The following SYNE3 variants were observed in gnomAD, a reference collection of about 807,000 sequenced individuals.
SYNE3 encodes the protein spectrin repeat containing nuclear envelope family member 3.
In SYNE3, 100 loss-of-function variants were observed where a neutral mutation model predicts 111.2. The observed-to-expected ratio is 0.90, with a 90% CI of 0.77 to 1.06. The LOEUF (loss-of-function observed/expected upper bound fraction) is 1.06. SYNE3 is among the 50% of genes least tolerant of loss of function. The pLI is 0.00. For synonymous variants in SYNE3, 547 were observed against 533.9 expected (o/e 1.02, Z -0.34); for missense variants, 1,160 against 1,240.3 (o/e 0.94, Z 0.97).
intron 17 of SYNE3, among the ~76,000 whole-genome samples, chr14:95,420,860 G>T (rs945379856): frequency 2.0e-5 from 3 of 151,850 alleles, no homozygotes; most frequent in Admixed American, 2.0e-4. Context: ...GGTATGGTTT[G>T]GTTGTGTCCC....
At position 95,415,592 on chromosome 14, in the gene SYNE3, A is replaced by G. The variant is rs1903555803; in HGVS notation, c.*2234T>C. On this transcript the variant is annotated 3_prime_UTR_variant, in exon 18 of 18. Transcript: ENST00000682763. ...AGTTAAACTGAAGCAGCTTGAGGGA[A>G]GGAACTTGATGGAAGGATGGAGAGT... The G allele has an allele frequency of 6.6e-6, 1 of 152,074 alleles. No homozygotes were observed. The allele number at this position is 152,074 out of a possible 1,614,324, so 9.4% of individuals were successfully genotyped here.
At chr14:95,443,083 A>G (rs1886494819) in intron 11 of SYNE3, 72 bp downstream of exon 11, 1 of 1,568,432 alleles carries the variant, frequency 6.4e-7, no homozygotes, top group Non-Finnish European at 8.7e-7. Flanking sequence ...AAGGGGAAGA[A>G]AGGCCCCAGG....
intron 17 of SYNE3, among the ~76,000 whole-genome samples, chr14:95,421,149 T>G (rs1885099654): frequency 6.6e-6 from 1 of 152,304 alleles, no homozygotes; most frequent in Middle Eastern, 3.4e-3. Flanking sequence ...AACCTCTTTT[T>G]CTTTATAAAT....
intron 6 of SYNE3, among the ~76,000 whole-genome samples, chr14:95,454,642 A>C (rs536843035): frequency 6.6e-6 from 1 of 152,364 alleles, no homozygotes; most frequent in African/African-American, 2.4e-5. Flanking sequence ...CTCCCTACTA[A>C]AAATATTTTT....
chr14:95,468,776 T>G (rs1008712772), intron 2 of SYNE3, among the ~76,000 whole-genome samples: 1 of 152,206 alleles, frequency 6.6e-6, no homozygotes, highest in African/African-American at 2.4e-5. Flanking sequence ...TCATCTCATC[T>G]TGGTGTCAGC....
Position 95,449,941 on chromosome 14 carries a change from G to A in SYNE3, c.1439C>T (p.Pro480Leu). 6.4e-7 allele frequency: 1 copy of A among 1,553,928 alleles called. No individual in the cohort carries two copies. The highest frequency in any genetic ancestry group is 8.7e-7 in the Non-Finnish European group (1 of 1,148,414). ...PDLPSLHTFL[P>L]QIEAALMESS... ...CAGGACCACGGTTACCTCGATCTGG[G>A]GCAGGAAGGTGTGAAGGGAAGGCAG... Residue 480 changes from proline (P) to leucine (L), a missense_variant, in exon 8 of 18, where the codon CCC (proline) becomes CTC (leucine). Pro to Leu is a moderately conservative substitution (Grantham distance 98). Coordinates refer to ENST00000682763, the MANE Select transcript of SYNE3 (RefSeq NM_152592.6).
rs561750245 is a variant in SYNE3, at chr14:95,431,958, G to A, written c.2727+121C>T. ...AGCCCAGAGTTGATCCCCCATAAAT[G>A]TTCTTTGGTCTTCCTGGAACCTTCC... On this transcript the variant is annotated intron_variant, in intron 17 of 17. Transcript: ENST00000682763. 2.6e-6 allele frequency: 3 copies of A among 1,158,016 alleles called. No individual in the cohort carries two copies. The African/African-American group carries it at 4.7e-5, about 18-fold the overall frequency. 71.7% of individuals were successfully genotyped at this position (1,158,016 alleles called of 1,614,324 possible).
intron 1 of SYNE3, among the ~76,000 whole-genome samples, chr14:95,487,298 T>C (rs935062082): frequency 1.3e-5 from 2 of 152,242 alleles, no homozygotes; most frequent in African/African-American, 2.4e-5. Flanking sequence ...ACATTCTTTC[T>C]TATATTTCTT....
chr14:95,423,315 G>T (rs550232337), intron 17 of SYNE3, among the ~76,000 whole-genome samples: 1 of 152,258 alleles, frequency 6.6e-6, no homozygotes, highest in East Asian at 1.9e-4. Context: ...TATGACCATA[G>T]GCTTCCTCTC....
intron 1 of SYNE3, among the ~76,000 whole-genome samples, chr14:95,488,501 G>A (rs1328950403): frequency 6.6e-6 from 1 of 152,122 alleles, no homozygotes; most frequent in Non-Finnish European, 1.5e-5. Context: ...CCTAGGAGTG[G>A]AATGGCTGGA....
rs138132110 is a variant in SYNE3, at chr14:95,500,811, C to T, written c.-15+15785G>A. Among the ~76,000 whole-genome samples the T allele has an allele frequency of 6.6e-6, 1 of 152,334 alleles. No homozygotes were observed. The highest frequency in any genetic ancestry group is 2.4e-5 in the African/African-American group (1 of 41,584). On this transcript the variant is annotated intron_variant, in intron 1 of 17. Coordinates refer to ENST00000682763, the MANE Select transcript of SYNE3 (RefSeq NM_152592.6). This position sits in a 1 kb window ranked among gnomAD's most constrained non-coding sequence, Gnocchi z 4.7. ...GCAGCTACAGCTCCAAGGCCACCCA[C>T]CCAACTGGAAGAAGCAAACGGTCAG...
chr14:95,436,461 G>A lies in SYNE3; in HGVS notation c.2538+359C>T, dbSNP rs544058240. 4.6e-5 allele frequency among the ~76,000 whole-genome samples: 7 copies of A among 152,238 alleles called. No individual in the cohort carries two copies. In the South Asian group the frequency reaches 6.2e-4, roughly 14 times the overall value. Reference sequence around the variant, plus strand: ...AGCAGACGGACTGGAGGCACTGCCCGGTTGAGTTCAGCCTAACCTGCCATG... The same window carrying A: ...AGCAGACGGACTGGAGGCACTGCCCAGTTGAGTTCAGCCTAACCTGCCATG... On this transcript the variant is annotated intron_variant, in intron 15 of 17. Transcript: ENST00000682763.
At chr14:95,511,566 T>C (rs1890721892) in intron 1 of SYNE3, among the ~76,000 whole-genome samples, 1 of 151,632 alleles carries the variant, frequency 6.6e-6, no homozygotes, top group African/African-American at 2.4e-5. Flanking sequence ...AATAATAAAA[T>C]TAGCTGGGCA....
intron 4 of SYNE3, among the ~76,000 whole-genome samples, chr14:95,461,259 A>G (rs1887793211): frequency 1.3e-5 from 2 of 152,246 alleles, no homozygotes; most frequent in Admixed American, 1.3e-4. Flanking sequence ...ATTCACGGCC[A>G]AGATGCCAGA....
intron 1 of SYNE3, among the ~76,000 whole-genome samples, chr14:95,480,658 C>A (rs878578): frequency 0.15 from 22,624 of 152,138 alleles, 1,806 homozygotes; most frequent in African/African-American, 0.18. Flanking sequence ...AATGGGACAC[C>A]TTAATTTGAG....
chr14:95,444,817 G>A (rs1208577754), intron 9 of SYNE3, among the ~76,000 whole-genome samples, 189 bp from the exon 10 acceptor site: 3 of 152,130 alleles, frequency 2.0e-5, no homozygotes, highest in Non-Finnish European at 2.9e-5. Flanking sequence ...TCACTACAGC[G>A]TCCTCACAGA....
intron 17 of SYNE3, among the ~76,000 whole-genome samples, chr14:95,431,220 C>T (rs1009975083): frequency 6.6e-6 from 1 of 152,204 alleles, no homozygotes; most frequent in African/African-American, 2.4e-5. Flanking sequence ...AATGGGGAGA[C>T]ACCCCAGGCC....
rs1421645977 is a variant in SYNE3, at chr14:95,432,078, C to T, written c.2727+1G>A. The stretch of plus-strand genomic sequence containing the variant: ...TGTGGAGCAGATGGCAGACACTGTA[C>T]CTTTTGGAATCCAGTCGGCTCCCCT... On this transcript the variant is annotated splice_donor_variant, in intron 17 of 17. Transcript: ENST00000682763. LOFTEE classifies it high-confidence loss of function. 9 of 1,612,044 alleles carry T rather than the reference C, an allele frequency of 5.6e-6. No homozygotes were observed. The highest frequency in any genetic ancestry group is 1.1e-5 in the South Asian group (1 of 90,452).
chr14:95,501,220 C>T (rs1296702799), intron 1 of SYNE3, among the ~76,000 whole-genome samples: 1 of 152,216 alleles, frequency 6.6e-6, no homozygotes, highest in Non-Finnish European at 1.5e-5. Flanking sequence ...GCATTTTCTT[C>T]AGAGCACACG....
Sources: gnomAD v4.1 joint callset for allele counts (sites outside exome capture counted in the v4.1 genomes callset) on GRCh38, gnomAD v4.1.1 for gene constraint, Gnocchi (gnomAD v3.1) non-coding constraint, MANE v1.5 for transcripts, NCBI Gene and HGNC (gene_info 2026-07-23, HGNC 2026-07-21) for gene names.